The following SRPRA variants were observed in gnomAD, a reference collection of about 807,000 sequenced individuals.
SRPRA encodes the protein SRP receptor subunit alpha.
Under a neutral mutation model 61.1 loss-of-function variants are expected in SRPRA, and 30 were observed. That is an observed-to-expected ratio of 0.49 (90% CI 0.37 to 0.67). The LOEUF is 0.67. Ranked by LOEUF, SRPRA falls within the 30% of genes least tolerant of loss-of-function variation. SRPRA has a pLI of 0.00. For missense variants in SRPRA, 759 were observed against 828.4 expected (o/e 0.92, Z 1.03); for synonymous variants, 324 against 299.7 (o/e 1.08, Z -0.84).
chr11:126,264,845 T>C lies in SRPRA; in HGVS notation c.1525+114A>G. ...GCAAGTAACTGATCTGACTTTTTAC[T>C]GTAATTGACCAACGAGTCTGTAGTA... On this transcript the variant is annotated intron_variant, in intron 11 of 13. Transcript: ENST00000332118. The surrounding 1 kb of genome is among the most constrained non-coding windows in gnomAD (Gnocchi z 5.0). The C allele has an allele frequency of 1.1e-5, 11 of 1,040,938 alleles. No homozygotes were observed. The highest frequency in any genetic ancestry group is 1.5e-5 in the Non-Finnish European group (11 of 733,416). 64.5% of individuals were successfully genotyped at this position (1,040,938 alleles called of 1,614,324 possible).
chr11:126,250,449 A>G, the SRPRA span: 1 of 1,244,492 alleles, frequency 8.0e-7, no homozygotes, highest in Non-Finnish European at 1.2e-6. This position sits in a 1 kb window ranked among gnomAD's most constrained non-coding sequence, Gnocchi z 5.1. Context: ...TGTAACTAAA[A>G]CAACTGACCT....
At chr11:126,241,209 A>T in the SRPRA span, 3 of 677,596 alleles carry the variant, frequency 4.4e-6, no homozygotes. Context: ...ATGTCTGTTT[A>T]TGGACCCTAC....
chr11:126,242,701 G>A, the SRPRA span, among the ~76,000 whole-genome samples: 12 of 152,280 alleles, frequency 7.9e-5, no homozygotes, highest in African/African-American at 2.4e-4. Context: ...TTTCACACCC[G>A]CTGGCATGAC....
Position 126,266,582 on chromosome 11 carries a change from G to C in SRPRA, c.734C>G (p.Pro245Arg). 1 of 1,614,140 alleles carries C rather than the reference G, an allele frequency of 6.2e-7. No individual in the cohort carries two copies. The highest frequency in any genetic ancestry group is 8.5e-7 in the Non-Finnish European group (1 of 1,180,014). ...DAPKEKGKKA[P>R]RVWELGGCAN... ...ACAGCCACCCAGTTCCCACACCCGG[G>C]GTGCTTTTTTGCCCTTCTCCTTTGG... Residue 245 changes from proline to arginine, a missense_variant, in exon 6 of 14, where the codon CCC (proline) becomes CGC (arginine). Transcript: ENST00000332118.
At chr11:126,261,266 A>T (rs183014381), downstream of SRPRA, 21 of 614,136 alleles carry the variant, frequency 3.4e-5, no homozygotes, top group Non-Finnish European at 6.1e-5. Flanking sequence ...ACTCCAGTTT[A>T]TCCTCTCTGC....
chr11:126,254,540 G>T, the SRPRA span: 1 of 1,434,536 alleles, frequency 7.0e-7, no homozygotes, highest in South Asian at 1.3e-5. Context: ...AAGTGAAAAC[G>T]GAAGGTCAGG....
the SRPRA span, chr11:126,256,898 T>G: frequency 2.6e-6 from 4 of 1,544,580 alleles, no homozygotes; most frequent in Non-Finnish European, 3.5e-6. This position sits in a 1 kb window ranked among gnomAD's most constrained non-coding sequence, Gnocchi z 6.6. Context: ...ACAACAGCTC[T>G]TCAGCCTTTT....
At position 126,264,073 on chromosome 11, in the gene SRPRA, A is replaced by C; in HGVS notation, c.1789-29T>G. The C allele has an allele frequency of 1.9e-6, 3 of 1,613,954 alleles. No homozygotes were observed. Among genetic ancestry groups the C allele is most frequent in the Non-Finnish European group, 2.5e-6 (3 of 1,179,864 alleles). ...AGTGGAGAAAGAGGACAGCCCATCA[A>C]CACAAGCCCACTTTTCACTCACCCT... On this transcript the variant is annotated intron_variant, in intron 13 of 13. Coordinates refer to ENST00000332118, the MANE Select transcript of SRPRA (RefSeq NM_003139.4). This position sits in a 1 kb window ranked among gnomAD's most constrained non-coding sequence, Gnocchi z 5.0.
chr11:126,267,696 A>T lies in SRPRA; in HGVS notation c.218T>A (p.Ile73Asn). 6.2e-7 allele frequency: 1 copy of T among 1,614,066 alleles called. No individual in the cohort carries two copies. The highest frequency in any genetic ancestry group is 8.5e-7 in the Non-Finnish European group (1 of 1,180,024). Residue 73 changes from isoleucine to asparagine, a missense_variant, in exon 3 of 14, where the codon ATC becomes AAC. By Grantham distance (149) the Ile-to-Asn change is moderately radical. Around this residue, in one of 2 missense-constraint regions of SRPRA, gnomAD observed 475 missense variants for 462.5 expected, o/e 1.03. Coordinates refer to ENST00000332118, the MANE Select transcript of SRPRA (RefSeq NM_003139.4). The surrounding 1 kb of genome is among the most constrained non-coding windows in gnomAD (Gnocchi z 4.2). ...ELVFVVGFQKILTLTYVDKLI... is the reference protein window; with the variant it reads ...ELVFVVGFQKNLTLTYVDKLI... The stretch of plus-strand genomic sequence containing the variant: ...TTTGTCTACATATGTCAGTGTCAGG[A>T]TCTTCTGAAAACCAACCTGTTTAGG...
rs1297622204 is a variant in SRPRA, at chr11:126,262,990, C to T, written c.*926G>A. 4.6e-5 allele frequency: 7 copies of T among 152,662 alleles called. No individual in the cohort carries two copies. The highest frequency in any genetic ancestry group is 8.8e-5 in the Non-Finnish European group (6 of 68,052). The allele number at this position is 152,662 out of a possible 1,614,324, so 9.5% of individuals were successfully genotyped here. On this transcript the variant is annotated 3_prime_UTR_variant, in exon 14 of 14. Transcript: ENST00000332118. ...TAAATTACTTATTTCTCTGGGCAGA[C>T]AGCCTTCACCTTATTGCACTAATAG...
At chr11:126,262,163 C>A, downstream of SRPRA, 3 of 1,612,462 alleles carry the variant, frequency 1.9e-6, no homozygotes, top group Non-Finnish European at 2.5e-6. Flanking sequence ...ACCGTTTAGA[C>A]CAAGCTGTAA....
rs748026132 is a variant in SRPRA at position 126,267,591 on chromosome 11, T to C, written c.323A>G (p.Asn108Ser). Reference protein sequence around the residue: ...IQQQSALSLLNGTFDFQNDFL... With the variant: ...IQQQSALSLLSGTFDFQNDFL... ...GTCATTTTGGAAATCAAAAGTGCCA[T>C]TTAATAAACTTAAAGCACTTTGCTG... The change falls in exon 3 of 14, where the codon AAT becomes AGT. Residue 108 changes from asparagine to serine, a missense_variant. Physicochemically the swap from Asn to Ser is conservative, Grantham distance 46. Transcript: ENST00000332118. The surrounding 1 kb of genome is among the most constrained non-coding windows in gnomAD (Gnocchi z 4.2). 2.5e-6 allele frequency: 4 copies of C among 1,614,122 alleles called. No homozygotes were observed. Among genetic ancestry groups the C allele is most frequent in the Middle Eastern group, 3.3e-4 (2 of 6,062 alleles).
At chr11:126,266,450 T>A (rs775389994) in intron 6 of SRPRA, 26 bp downstream of exon 6, 13 of 1,607,120 alleles carry the variant, frequency 8.1e-6, no homozygotes, top group Non-Finnish European at 5.1e-6. Flanking sequence ...TTGTTAAAGA[T>A]CACTTTGACC....
the SRPRA span, among the ~76,000 whole-genome samples, chr11:126,251,367 G>T: frequency 6.6e-6 from 1 of 152,162 alleles, no homozygotes; most frequent in Admixed American, 6.6e-5. Context: ...CCAATTTAGA[G>T]CCCAACTAAG....
Position 126,265,350 on chromosome 11 carries a change from A to G in SRPRA, c.1229T>C (p.Met410Thr). 10 of 1,613,720 alleles carry G rather than the reference A, an allele frequency of 6.2e-6. No individual in the cohort carries two copies. The East Asian group carries it at 6.7e-5, about 11-fold the overall frequency. ...AGGGCGCTGGCGACGCTGGGCATCC[A>G]TGATGTCCCGGAGCATGTCTACACG... is the stretch of plus-strand genomic sequence containing the variant. ...QRRVDMLRDI[M>T]DAQRRQRPYV... Residue 410 changes from methionine to threonine, a missense_variant, in exon 10 of 14, where the codon ATG becomes ACG. Transcript: ENST00000332118. The surrounding 1 kb of genome is among the most constrained non-coding windows in gnomAD (Gnocchi z 6.3).
the SRPRA span, chr11:126,256,501 T>G: frequency 2.0e-6 from 3 of 1,504,264 alleles, no homozygotes; most frequent in Non-Finnish European, 2.7e-6. The surrounding 1 kb of genome is among the most constrained non-coding windows in gnomAD (Gnocchi z 6.6). Flanking sequence ...TAGCATGACC[T>G]TCTTGTTTCA....
the SRPRA span, chr11:126,254,298 T>C: frequency 6.2e-7 from 1 of 1,613,496 alleles, no homozygotes; most frequent in Non-Finnish European, 8.5e-7. Context: ...ATATGTGTGT[T>C]GTGCAGGTCC....
chr11:126,252,949 C>CA, the SRPRA span, among the ~76,000 whole-genome samples: 5 of 152,156 alleles, frequency 3.3e-5, no homozygotes, highest in Non-Finnish European at 5.9e-5. This position sits in a 1 kb window ranked among gnomAD's most constrained non-coding sequence, Gnocchi z 4.7. Context: ...GCAGGAGAAT[C>CA]ATTTGAACCC....
At chr11:126,237,517 C>T in the SRPRA span, among the ~76,000 whole-genome samples, 4 of 142,830 alleles carry the variant, frequency 2.8e-5, no homozygotes, top group South Asian at 6.9e-4. Flanking sequence ...GGATGACAGG[C>T]GTGAGCCACC....
Sources: allele counts gnomAD v4.1 joint callset (sites outside exome capture counted in the v4.1 genomes callset), GRCh38; gene constraint gnomAD v4.1.1; regional missense constraint gnomAD v4.1.1; non-coding constraint Gnocchi (gnomAD v3.1); transcripts MANE v1.5; gene names NCBI Gene and HGNC (gene_info 2026-07-23, HGNC 2026-07-21).